SMARCA2: variants seen among roughly 807,000 people sequenced by gnomAD.
SMARCA2 encodes the protein SWI/SNF related BAF chromatin remodeling complex subunit ATPase 2, also known as SWI/SNF-related matrix-associated actin-dependent regulator of chromatin subfamily A member 2.
Under a neutral mutation model 199.8 loss-of-function variants are expected in SMARCA2, and 61 were observed. That is an observed-to-expected ratio of 0.31 (90% CI 0.25 to 0.38). The LOEUF (loss-of-function observed/expected upper bound fraction) is 0.38. SMARCA2 is among the 10% of genes least tolerant of loss of function. SMARCA2 has a pLI of 1.00. For missense variants in SMARCA2, 1,344 were observed against 2,012.2 expected, an observed-to-expected ratio of 0.67 and a Z score of 6.35; for synonymous variants, 935 against 732.0, an observed-to-expected ratio of 1.28 and a Z score of -4.48.
chr9:2,160,883 G>GA (rs376111026), intron 27 of SMARCA2: 18,200 of 253,004 alleles, frequency 0.072, 191 homozygotes, highest in Middle Eastern at 0.12. Context: ...GATTTACCAG[G>GA]AAAAAAAAAA....
Position 2,115,727 on chromosome 9 carries a change from C to T in SMARCA2, c.3457-95C>T. On this transcript the variant is annotated intron_variant, in intron 24 of 33. Coordinates refer to ENST00000349721, the MANE Select transcript of SMARCA2 (RefSeq NM_003070.5). This position sits in a 1 kb window ranked among gnomAD's most constrained non-coding sequence, Gnocchi z 6.0. ...ATCTTACCTTAGTGAAGGTGAAATA[C>T]AGAACCCTTCCATATTTCCCTCTGG... 3 of 927,650 alleles carry T rather than the reference C, an allele frequency of 3.2e-6. No homozygotes were observed. Among genetic ancestry groups the T allele is most frequent in the South Asian group, 3.0e-5 (2 of 65,930 alleles). The allele number at this position is 927,650 out of a possible 1,614,324, so 57.5% of individuals were successfully genotyped here. A position where few individuals can be genotyped will look rare whatever the true frequency, so the allele number is the denominator to read the frequency against.
At chr9:2,099,679 A>C (rs1334222312) in intron 21 of SMARCA2, among the ~76,000 whole-genome samples, 1 of 152,144 alleles carries the variant, frequency 6.6e-6, no homozygotes, top group East Asian at 1.9e-4. Flanking sequence ...ATCTATTGAC[A>C]ACTATGGAAC....
chr9:2,145,200 G>A (rs1824674158), intron 27 of SMARCA2, among the ~76,000 whole-genome samples: 2 of 151,982 alleles, frequency 1.3e-5, no homozygotes, highest in African/African-American at 4.8e-5. Context: ...CTACTTGGGA[G>A]GCTGAGGCAA....
At chr9:2,054,520 C>A in intron 5 of SMARCA2, 77 bp from the exon 6 acceptor site, 1 of 1,536,024 alleles carries the variant, frequency 6.5e-7, no homozygotes. Context: ...AACCTAATGT[C>A]ATTGTTTATC....
intron 29 of SMARCA2, among the ~76,000 whole-genome samples, chr9:2,178,833 C>T (rs1210072142): frequency 6.6e-6 from 1 of 152,130 alleles, no homozygotes; most frequent in African/African-American, 2.4e-5. Context: ...TGCCCAGGAC[C>T]TCCTGGCTTT....
chr9:2,034,571 T>A (rs1211772224), intron 3 of SMARCA2, among the ~76,000 whole-genome samples: 1 of 152,238 alleles, frequency 6.6e-6, no homozygotes, highest in Non-Finnish European at 1.5e-5. Context: ...ATTCAAGGTT[T>A]ATGGTTTATG....
intron 32 of SMARCA2, among the ~76,000 whole-genome samples, chr9:2,189,282 C>G (rs985630362): frequency 6.6e-6 from 1 of 152,114 alleles, no homozygotes; most frequent in African/African-American, 2.4e-5. Context: ...ATAGGGCTCA[C>G]CTAATGGTCC....
chr9:2,096,235 A>G (rs1822268642), intron 19 of SMARCA2, among the ~76,000 whole-genome samples: 1 of 152,204 alleles, frequency 6.6e-6, no homozygotes, highest in South Asian at 2.1e-4. Context: ...TTTCACAAAG[A>G]AAATCACAGG....
At chr9:2,031,774 G>T (rs1025697129) in intron 2 of SMARCA2, among the ~76,000 whole-genome samples, 1 of 152,176 alleles carries the variant, frequency 6.6e-6, no homozygotes. Flanking sequence ...ACGGGTGAGG[G>T]TTTAGAGCTC....
intron 19 of SMARCA2, among the ~76,000 whole-genome samples, chr9:2,089,919 G>T (rs7863631): frequency 0.055 from 8,369 of 152,016 alleles, 684 homozygotes; most frequent in African/African-American, 0.18. Context: ...TTTACAAGAG[G>T]TATAAAATAA....
At chr9:2,181,533 G>C (rs746221503) in intron 29 of SMARCA2, 38 bp from the exon 30 acceptor site, 3 of 960,086 alleles carry the variant, frequency 3.1e-6, no homozygotes, top group East Asian at 2.4e-5. Context: ...AGTAATGTTT[G>C]ATGTGGCTTG....
chr9:2,188,423 T>A (rs1028212081), intron 32 of SMARCA2, among the ~76,000 whole-genome samples: 10 of 152,314 alleles, frequency 6.6e-5, no homozygotes, highest in Non-Finnish European at 1.3e-4. Flanking sequence ...CTATTATCTA[T>A]ATTCTAGTTA....
rs576395321 is a variant in SMARCA2 at position 2,188,231 on chromosome 9, C to T, written c.4594+2003C>T. 7.0e-4 allele frequency among the ~76,000 whole-genome samples: 106 copies of T among 152,068 alleles called. 3 individuals are homozygous for T. The South Asian group carries it at 0.022, about 31-fold the overall frequency. On this transcript the variant is annotated intron_variant, in intron 32 of 33. Transcript: ENST00000349721. ...ACATTCATTAATGAATGTGAATGTA[C>T]TGTAACGTGTTAATTATACTCTGTT...
At position 2,170,903 on chromosome 9, in the gene SMARCA2, G is replaced by A. The variant is rs954751031; in HGVS notation, c.4253+431G>A. On this transcript the variant is annotated intron_variant, in intron 29 of 33. Coordinates refer to ENST00000349721, the MANE Select transcript of SMARCA2 (RefSeq NM_003070.5). This position sits in a 1 kb window ranked among gnomAD's most constrained non-coding sequence, Gnocchi z 4.7. ...GATCTCCTGCGAGACATGAAGAAGC[G>A]TGCATGTTCACGCTGTGTCTGCATT... Among the ~76,000 whole-genome samples the A allele has an allele frequency of 2.6e-5, 4 of 152,206 alleles. No homozygotes were observed. The highest frequency in any genetic ancestry group is 6.5e-5 in the Admixed American group (1 of 15,290).
intron 30 of SMARCA2, 65 bp downstream of exon 30, chr9:2,181,741 A>ATGGT: frequency 2.2e-6 from 2 of 908,824 alleles, no homozygotes; most frequent in South Asian, 2.7e-5. Flanking sequence ...AGTCATTGAA[A>ATGGT]TGGTTGTAGT....
chr9:2,140,323 C>G (rs911676687), intron 27 of SMARCA2, among the ~76,000 whole-genome samples: 5 of 152,180 alleles, frequency 3.3e-5, no homozygotes, highest in African/African-American at 9.7e-5. Flanking sequence ...ACACTGATGT[C>G]ATGGTATATC....
At chr9:2,095,287 T>G (rs1186175786) in intron 19 of SMARCA2, among the ~76,000 whole-genome samples, 1 of 152,098 alleles carries the variant, frequency 6.6e-6, no homozygotes, top group Non-Finnish European at 1.5e-5. Context: ...GGTTTCATTA[T>G]GTTGGTCAGG....
intron 1 of SMARCA2, among the ~76,000 whole-genome samples, chr9:2,020,743 C>G (rs150817000): frequency 1.3e-5 from 2 of 152,138 alleles, no homozygotes; most frequent in East Asian, 3.9e-4. Flanking sequence ...ATAAATATAT[C>G]GTCAAAGATG....
chr9:2,089,561 T>A (rs1401732636), intron 19 of SMARCA2, among the ~76,000 whole-genome samples: 3 of 152,226 alleles, frequency 2.0e-5, no homozygotes, highest in African/African-American at 7.2e-5. Flanking sequence ...GAGAGAATTT[T>A]ATTCCCTAAT....
Sources: gnomAD v4.1 joint callset for allele counts (sites outside exome capture counted in the v4.1 genomes callset) on GRCh38, gnomAD v4.1.1 for gene constraint, Gnocchi (gnomAD v3.1) non-coding constraint, MANE v1.5 for transcripts, NCBI Gene and HGNC (gene_info 2026-07-23, HGNC 2026-07-21) for gene names.